RC3H2: variants seen among roughly 807,000 people sequenced by gnomAD.
The protein encoded by RC3H2 is roquin-2.
Under a neutral mutation model 133.3 loss-of-function variants are expected in RC3H2, and 31 were observed. The ratio of observed to expected loss-of-function variants is 0.23; its 90% CI spans 0.17 to 0.31. RC3H2 has a LOEUF of 0.31. Among genes scored for constraint, RC3H2 ranks in the 10% least tolerant of loss-of-function variants. The pLI, the probability that RC3H2 is intolerant of heterozygous loss-of-function variation, is 1.00. For synonymous variants in RC3H2, 517 were observed against 502.2 expected (o/e 1.03, Z -0.40); for missense variants, 1,175 against 1,437.2 (o/e 0.82, Z 2.95).
intron 20 of RC3H2, among the ~76,000 whole-genome samples, chr9:122,850,847 T>C (rs574542256): frequency 2.6e-5 from 4 of 152,314 alleles, no homozygotes; most frequent in African/African-American, 9.6e-5. Context: ...AAGCATAACC[T>C]GATGCTGGAA....
chr9:122,884,802 G>A (rs920213589), intron 4 of RC3H2, among the ~76,000 whole-genome samples: 1 of 150,736 alleles, frequency 6.6e-6, no homozygotes, highest in Non-Finnish European at 1.5e-5. Context: ...GCAGTGAGCC[G>A]AGATTACGCC....
At chr9:122,901,434 A>G (rs1420245569) in intron 1 of RC3H2, among the ~76,000 whole-genome samples, 1 of 152,220 alleles carries the variant, frequency 6.6e-6, no homozygotes, top group African/African-American at 2.4e-5. Context: ...AGTACTGGAG[A>G]AAAAGGAATT....
intron 7 of RC3H2, 24 bp from the exon 8 acceptor site, chr9:122,879,897 G>A (rs369447782): frequency 3.1e-6 from 5 of 1,610,742 alleles, no homozygotes; most frequent in East Asian, 2.2e-5. Context: ...CCAAGGGCAT[G>A]GGGGTTGGGG....
rs1184809459 is a variant in RC3H2, at chr9:122,859,003, G to A, written c.1949C>T (p.Ala650Val). 10 of 1,614,098 alleles carry A rather than the reference G, an allele frequency of 6.2e-6. No homozygotes were observed. The highest frequency in any genetic ancestry group is 8.5e-6 in the Non-Finnish European group (10 of 1,179,934). ...NNVPESSLPPASMPYADHYST... is the reference protein window; with the variant it reads ...NNVPESSLPPVSMPYADHYST... Reference sequence around the variant, plus strand: ...GTAATGATCGGCATATGGCATGGAAGCAGGTGGGAGGGAGGACTCTGGAAC... The same window carrying A: ...GTAATGATCGGCATATGGCATGGAAACAGGTGGGAGGGAGGACTCTGGAAC... Residue 650 changes from alanine (A) to valine (V), a missense_variant, in exon 12 of 21, where the codon GCT becomes GTT. Coordinates refer to ENST00000357244, the MANE Select transcript of RC3H2 (RefSeq NM_001100588.3).
In RC3H2 at chr9:122,892,940, T is replaced by C; in HGVS notation, c.318A>G (p.Ala106=). 1 of 1,613,136 alleles carries C rather than the reference T, an allele frequency of 6.2e-7. No homozygotes were observed. Among genetic ancestry groups the C allele is most frequent in the Non-Finnish European group, 8.5e-7 (1 of 1,179,900 alleles). ...EVAKKCVEDL[A]LYLKPLSGGK... Reference sequence around the variant, plus strand: ...CTCCACTTAGTGGTTTTAAGTAGAGTGCCAAATCCTCAACGCATTTCTTTG... The same window carrying C: ...CTCCACTTAGTGGTTTTAAGTAGAGCGCCAAATCCTCAACGCATTTCTTTG... Residue 106 remains alanine (A), a synonymous_variant, in exon 3 of 21, where the codon GCA becomes GCG. Transcript: ENST00000357244.
chr9:122,868,654 T>A (rs1337635559), intron 9 of RC3H2, among the ~76,000 whole-genome samples: 1 of 151,834 alleles, frequency 6.6e-6, no homozygotes, highest in Admixed American at 6.6e-5. Flanking sequence ...CTCTGTTCAC[T>A]TGTTTATCTG....
At chr9:122,885,592 T>C (rs1370522032) in intron 4 of RC3H2, among the ~76,000 whole-genome samples, 1 of 152,228 alleles carries the variant, frequency 6.6e-6, no homozygotes, top group Non-Finnish European at 1.5e-5. Flanking sequence ...CCAAGGACTT[T>C]TAAAATTCTT....
chr9:122,900,961 C>T (rs891929812), intron 1 of RC3H2, among the ~76,000 whole-genome samples: 1 of 152,154 alleles, frequency 6.6e-6, no homozygotes, highest in Non-Finnish European at 1.5e-5. Flanking sequence ...GCTATGAGTG[C>T]TGACACATAA....
Position 122,847,132 on chromosome 9 carries a change from C to T in RC3H2, c.*2495G>A, listed in dbSNP as rs926992160. On this transcript the variant is annotated 3_prime_UTR_variant, in exon 21 of 21. Transcript: ENST00000357244. ...TTCTGAGACATACCAATAAGGTTGG[C>T]AGGTATATACATATACTGATGCAAA... 6.6e-6 allele frequency: 1 copy of T among 152,058 alleles called. No individual in the cohort carries two copies. The highest frequency in any genetic ancestry group is 1.5e-5 in the Non-Finnish European group (1 of 67,990). The allele number at this position is 152,058 out of a possible 1,614,324, so 9.4% of individuals were successfully genotyped here.
intron 2 of RC3H2, among the ~76,000 whole-genome samples, chr9:122,895,668 G>A (rs1414546069): frequency 6.6e-6 from 1 of 152,074 alleles, no homozygotes. Context: ...TTTACAAGGA[G>A]GACTTCAAAT....
intron 4 of RC3H2, among the ~76,000 whole-genome samples, chr9:122,889,112 T>C (rs1832055290): frequency 6.6e-6 from 1 of 152,212 alleles, no homozygotes; most frequent in South Asian, 2.1e-4. Context: ...TTAGTTATAT[T>C]AGTCCTCTGT....
At chr9:122,871,637 CT>C (rs563712344) in intron 9 of RC3H2, among the ~76,000 whole-genome samples, 386 of 151,982 alleles carry the variant, frequency 2.5e-3, no homozygotes, top group African/African-American at 8.9e-3. Context: ...GTTGTATCTT[CT>C]AAGAGTCTTT....
chr9:122,870,900 T>C (rs902149753), intron 9 of RC3H2, among the ~76,000 whole-genome samples: 19 of 152,216 alleles, frequency 1.2e-4, no homozygotes, highest in African/African-American at 2.4e-4. Flanking sequence ...TGGAGAAAAA[T>C]TGTGCAATCA....
At chr9:122,866,867 T>A (rs1176269292) in intron 9 of RC3H2, among the ~76,000 whole-genome samples, 1 of 144,908 alleles carries the variant, frequency 6.9e-6, no homozygotes, top group African/African-American at 2.6e-5. Flanking sequence ...TGGCCGCCTA[T>A]CGTCTGGGAC....
At chr9:122,901,289 C>T (rs1375080011) in intron 1 of RC3H2, among the ~76,000 whole-genome samples, 3 of 152,104 alleles carry the variant, frequency 2.0e-5, no homozygotes, top group South Asian at 2.1e-4. Context: ...AGTACTTCCC[C>T]GTTTAGAAAA....
At chr9:122,899,326 G>A (rs1023988042) in intron 1 of RC3H2, among the ~76,000 whole-genome samples, 2 of 151,830 alleles carry the variant, frequency 1.3e-5, no homozygotes, top group Non-Finnish European at 2.9e-5. Context: ...CTGACCTCAG[G>A]TGATCTGCCC....
intron 9 of RC3H2, among the ~76,000 whole-genome samples, chr9:122,870,328 T>C (rs955745193): frequency 2.0e-5 from 3 of 151,608 alleles, no homozygotes; most frequent in East Asian, 1.9e-4. Flanking sequence ...TGAGCCGAGA[T>C]TGTGCCACTG....
intron 1 of RC3H2, chr9:122,897,959 C>T (rs1479455485): frequency 6.3e-6 from 1 of 157,936 alleles, no homozygotes; most frequent in Non-Finnish European, 1.4e-5. Context: ...AAAAGTGTTT[C>T]CCTTGGATAA....
At chr9:122,866,747 G>C (rs1160861100) in intron 9 of RC3H2, among the ~76,000 whole-genome samples, 21 of 152,154 alleles carry the variant, frequency 1.4e-4, no homozygotes, top group Non-Finnish European at 2.8e-4. Flanking sequence ...TGTGATCTCA[G>C]CTCGCTACAA....
Sources: gnomAD v4.1 joint callset for allele counts (sites outside exome capture counted in the v4.1 genomes callset) on GRCh38, gnomAD v4.1.1 for gene constraint, MANE v1.5 for transcripts, NCBI Gene and HGNC (gene_info 2026-07-23, HGNC 2026-07-21) for gene names.